Variants in KIF15 observed in about 807,000 individuals in gnomAD.
KIF15 encodes kinesin-like protein KIF15.
A neutral mutation model predicts 190.6 loss-of-function variants in KIF15; 140 were observed. The ratio of observed to expected loss-of-function variants is 0.73; its 90% confidence interval spans 0.64 to 0.84. KIF15 has a LOEUF of 0.84. KIF15 is among the 40% of genes least tolerant of loss of function. The pLI is 0.00. For synonymous variants in KIF15, 528 were observed against 551.3 expected (o/e 0.96, Z 0.59); for missense variants, 1,372 against 1,584.4 (o/e 0.87, Z 2.28).
chr3:44,840,485 A>G (rs750015576), intron 28 of KIF15, 29 bp downstream of exon 28: 1 of 1,448,024 alleles, frequency 6.9e-7, no homozygotes, highest in East Asian at 2.3e-5. Flanking sequence ...TTATTTCAGG[A>G]GGAAGAAACA....
chr3:44,780,827 A>G, intron 4 of KIF15, 58 bp from the exon 5 acceptor site: 1 of 1,120,394 alleles, frequency 8.9e-7, no homozygotes, highest in Non-Finnish European at 1.3e-6. Context: ...GTATTATAAT[A>G]GGAGGAGTAG....
chr3:44,773,076 T>C (rs970356941), intron 1 of KIF15, among the ~76,000 whole-genome samples: 1 of 151,766 alleles, frequency 6.6e-6, no homozygotes, highest in Non-Finnish European at 1.5e-5. Flanking sequence ...TTTTTCATAA[T>C]TGAAACCTTA....
intron 20 of KIF15, among the ~76,000 whole-genome samples, chr3:44,821,383 C>T (rs1196308947): frequency 5.3e-5 from 8 of 151,112 alleles, no homozygotes; most frequent in East Asian, 2.0e-4. Context: ...GGCTTCCGGG[C>T]GGAGGGGCTC....
At chr3:44,840,787 G>T (rs958919310) in intron 28 of KIF15, among the ~76,000 whole-genome samples, 1 of 150,024 alleles carries the variant, frequency 6.7e-6, no homozygotes, top group Admixed American at 6.7e-5. Context: ...TCCTGCCTCA[G>T]CTTCCCAAGT....
At chr3:44,841,365 G>T (rs1698594147) in intron 29 of KIF15, 127 bp downstream of exon 29, 1 of 619,048 alleles carries the variant, frequency 1.6e-6, no homozygotes, top group Admixed American at 3.2e-5. Context: ...ATAGGTATAT[G>T]CCACCATGCC....
chr3:44,864,211 A>G (rs1699295448), intron 6 of KIF15: 1 of 1,614,070 alleles, frequency 6.2e-7, no homozygotes, highest in Non-Finnish European at 8.5e-7. Context: ...GCATGGGTTT[A>G]TGCGTCTTAG....
At chr3:44,767,146 G>GA (rs139239789) in intron 1 of KIF15, among the ~76,000 whole-genome samples, 1,652 of 152,186 alleles carry the variant, frequency 0.011, 28 homozygotes, top group African/African-American at 0.037. Context: ...TTTCACTGGG[G>GA]AGTGGGTCAG....
intron 20 of KIF15, among the ~76,000 whole-genome samples, chr3:44,817,155 G>A (rs7653620): frequency 0.057 from 8,659 of 151,928 alleles, 261 homozygotes; most frequent in Middle Eastern, 0.092. Flanking sequence ...TTGTCAGATG[G>A]GTAGATTGCA....
Position 44,774,408 on chromosome 3 carries a change from C to G in KIF15, c.33C>G (p.Ser11Arg). 2 of 1,612,298 alleles carry G rather than the reference C, an allele frequency of 1.2e-6. No individual in the cohort carries two copies. The highest frequency in any genetic ancestry group is 1.3e-5 in the African/African-American group (1 of 74,822). The change falls in exon 2 of 35, where the codon AGC (serine) becomes AGG (arginine). Residue 11 changes from serine to arginine, a missense_variant. Transcript: ENST00000326047. ...TTTTTTTTCTAGCTGAGTTACGCAG[C>G]GTGACAAATGGTCAGTCTAACCAAC... MAPGCKTELR[S>R]VTNGQSNQPS... is the part of the protein sequence containing the mutation.
At chr3:44,801,111 G>A (rs893713668) in intron 11 of KIF15, among the ~76,000 whole-genome samples, 5 of 149,722 alleles carry the variant, frequency 3.3e-5, no homozygotes, top group South Asian at 2.1e-4. Flanking sequence ...GGGTTCAAGC[G>A]ATTCTCCTGC....
At position 44,800,545 on chromosome 3, in the gene KIF15, G is replaced by C. The variant is rs1707218196; in HGVS notation, c.1222+108G>C. ...ATAAGGCAACCCAAATTTTTCTGCA[G>C]GTATCTCTTTCTGCTTATTTCTCCT... On this transcript the variant is annotated intron_variant, in intron 11 of 34. Transcript: ENST00000326047. 3.4e-5 allele frequency: 40 copies of C among 1,186,898 alleles called. 1 individual carries two copies. In the South Asian group the frequency reaches 6.1e-4, roughly 18 times the overall value. The allele number at this position is 1,186,898 out of a possible 1,614,324, so 73.5% of individuals were successfully genotyped here. A position where few individuals can be genotyped will look rare whatever the true frequency, so the allele number is the denominator to read the frequency against.
chr3:44,800,137 A>C (rs990356260), intron 10 of KIF15, among the ~76,000 whole-genome samples, 177 bp from the exon 11 acceptor site: 2 of 152,166 alleles, frequency 1.3e-5, no homozygotes, highest in African/African-American at 4.8e-5. Flanking sequence ...AGGCACAAGA[A>C]AAGGAAGCTT....
chr3:44,829,516 T>TA (rs1697881258), intron 24 of KIF15, among the ~76,000 whole-genome samples: 3 of 128,080 alleles, frequency 2.3e-5, no homozygotes, highest in Non-Finnish European at 4.7e-5. Context: ...TACGCATATA[T>TA]ATTATATGTA....
chr3:44,854,919 C>A (rs988697970), downstream of KIF15, among the ~76,000 whole-genome samples: 4 of 152,054 alleles, frequency 2.6e-5, no homozygotes, highest in African/African-American at 7.3e-5. Flanking sequence ...CTATAATGAC[C>A]CTATTTCCAA....
In KIF15 at chr3:44,826,465, G is replaced by A. The variant is rs371601544; in HGVS notation, c.2786+5G>A. 1 of 1,568,824 alleles carries A rather than the reference G, an allele frequency of 6.4e-7. No homozygotes were observed. The highest frequency in any genetic ancestry group is 1.4e-5 in the African/African-American group (1 of 73,412). On this transcript the variant is annotated splice_donor_5th_base_variant and intron_variant, in intron 22 of 34. Coordinates refer to ENST00000326047, the MANE Select transcript of KIF15 (RefSeq NM_020242.3). ...AGATAAAGAAAACAGTTCTAAGTGA[G>A]TGCTATTTATTTTTTCTACTAGCAT...
chr3:44,868,098 A>C (rs1434397730), intron 6 of KIF15, among the ~76,000 whole-genome samples: 1 of 152,194 alleles, frequency 6.6e-6, no homozygotes. Flanking sequence ...TCTCATACCC[A>C]TTAGCAGTCA....
At chr3:44,862,658 G>A (rs1699271332) in intron 6 of KIF15, 1 of 152,174 alleles carries the variant, frequency 6.6e-6, no homozygotes. Context: ...TGACAGAGAC[G>A]TTCTGGATGT....
At chr3:44,861,493 T>G (rs1699244185) in intron 6 of KIF15, among the ~76,000 whole-genome samples, 1 of 152,194 alleles carries the variant, frequency 6.6e-6, no homozygotes, top group East Asian at 1.9e-4. Context: ...CATCTCTTGG[T>G]CCGGCGGTCC....
At chr3:44,766,116 A>C (rs546533251) in intron 1 of KIF15, 1 of 152,808 alleles carries the variant, frequency 6.5e-6, no homozygotes, top group African/African-American at 2.4e-5. Flanking sequence ...CTGGGATTAC[A>C]TCATGAGCCA....
Sources: allele counts gnomAD v4.1 joint callset (sites outside exome capture counted in the v4.1 genomes callset), GRCh38; gene constraint gnomAD v4.1.1; transcripts MANE v1.5; gene names NCBI Gene and HGNC (gene_info 2026-07-23, HGNC 2026-07-21).